The following EIF4E2 variants were observed in gnomAD, a reference collection of about 807,000 sequenced individuals.
EIF4E2 encodes eukaryotic translation initiation factor 4E family member 2, also known as eukaryotic translation initiation factor 4E type 2.
A neutral mutation model predicts 34.2 loss-of-function variants in EIF4E2; 13 were observed. The ratio of observed to expected loss-of-function variants is 0.38; its 90% CI spans 0.25 to 0.60. The LOEUF (loss-of-function observed/expected upper bound fraction) is 0.60, where lower values mean the gene tolerates loss of function less well. Ranked by LOEUF, EIF4E2 falls within the 20% of genes least tolerant of loss-of-function variation. The pLI is 0.62. For synonymous variants in EIF4E2, 100 were observed against 106.6 expected, an observed-to-expected ratio of 0.94 and a Z score of 0.38; for missense variants, 222 against 315.1, an observed-to-expected ratio of 0.70 and a Z score of 2.24.
Position 232,581,346 on chromosome 2 carries a change from C to A in EIF4E2, c.*403C>A. 2.8e-6 allele frequency: 1 copy of A among 354,422 alleles called. No homozygotes were observed. The highest frequency in any genetic ancestry group is 4.0e-5 in the Admixed American group (1 of 24,776). The allele number at this position is 354,422 out of a possible 1,614,324, so 22.0% of individuals were successfully genotyped here. A position where few individuals can be genotyped will look rare whatever the true frequency, so the allele number is the denominator to read the frequency against. On this transcript the variant is annotated 3_prime_UTR_variant, in exon 7 of 7. Coordinates refer to the EIF4E2 transcript ENST00000409098. This position sits in a 1 kb window ranked among gnomAD's most constrained non-coding sequence, Gnocchi z 5.2. The stretch of plus-strand genomic sequence containing the variant: ...CCAGTATTATGAATGTCTGTGCATC[C>A]AGGAAAAGTGTTCTGTTGGAGAGTC...
At chr2:232,583,639 C>T (rs1307910707) in exon 7 of EIF4E2, 1 of 152,136 alleles carries the variant, frequency 6.6e-6, no homozygotes, top group Non-Finnish European at 1.5e-5. Context: ...AAAATATCAG[C>T]AAGAACCAGG....
downstream of EIF4E2, chr2:232,574,003 G>A (rs1308201482): frequency 4.5e-6 from 3 of 666,004 alleles, no homozygotes; most frequent in Middle Eastern, 4.0e-4. Context: ...AAGGAACACT[G>A]GTGCAAATCC....
chr2:232,581,231 A>G lies in EIF4E2; in HGVS notation c.*288A>G. On this transcript the variant is annotated 3_prime_UTR_variant, in exon 7 of 7. Transcript: ENST00000409098. The surrounding 1 kb of genome is among the most constrained non-coding windows in gnomAD (Gnocchi z 5.2). ...TTTCTGTTTGCTGTGTGCTGTCCAGATGCCTCTTGGGCGTCCTGTTGTTCT... is the reference window on the plus strand; with the variant it reads ...TTTCTGTTTGCTGTGTGCTGTCCAGGTGCCTCTTGGGCGTCCTGTTGTTCT... 1 of 522,216 alleles carries G rather than the reference A, an allele frequency of 1.9e-6. No homozygotes were observed. Among genetic ancestry groups the G allele is most frequent in the Non-Finnish European group, 3.6e-6 (1 of 278,216 alleles). The allele number at this position is 522,216 out of a possible 1,614,324, so 32.3% of individuals were successfully genotyped here.
rs1574677718 is a variant in EIF4E2 at position 232,575,398 on chromosome 2, A to T, written c.666-5506A>T. 2.0e-5 allele frequency among the ~76,000 whole-genome samples: 3 copies of T among 152,324 alleles called. No homozygotes were observed. The South Asian group carries it at 6.2e-4, about 32-fold the overall frequency. ...CCACCCATACCTTTTTTGTTTTGATAGTTTGATTTCTTTATTATAAATTCA... is the reference window on the plus strand; with the variant it reads ...CCACCCATACCTTTTTTGTTTTGATTGTTTGATTTCTTTATTATAAATTCA... On this transcript the variant is annotated intron_variant, in intron 6 of 6. Coordinates refer to the EIF4E2 transcript ENST00000409098.
chr2:232,575,977 G>A lies in EIF4E2; in HGVS notation c.666-4927G>A, dbSNP rs532709778. 1.2e-3 allele frequency among the ~76,000 whole-genome samples: 189 copies of A among 152,080 alleles called. 1 individual carries two copies. Among genetic ancestry groups the A allele is most frequent in the Non-Finnish European group, 1.5e-3 (104 of 67,942 alleles). On this transcript the variant is annotated intron_variant, in intron 6 of 6. Transcript: ENST00000409098. ...TCCCAGCACTTTGGGAGGCCAAGGCGGGCAGATCACGAGGTCAAGAGATCG... is the reference window on the plus strand; with the variant it reads ...TCCCAGCACTTTGGGAGGCCAAGGCAGGCAGATCACGAGGTCAAGAGATCG...
chr2:232,550,828 AC>A, intron 1 of EIF4E2, 84 bp downstream of exon 1: 1 of 1,284,770 alleles, frequency 7.8e-7, no homozygotes, highest in Non-Finnish European at 1.1e-6. Context: ...GGCGGCGCAA[AC>A]CCTGCGGCAC....
At chr2:232,574,179 A>C (rs1161710915), downstream of EIF4E2, 4 of 1,343,872 alleles carry the variant, frequency 3.0e-6, no homozygotes, top group South Asian at 3.8e-5. Flanking sequence ...CTGAAGGGGG[A>C]TGTGGGGTTA....
At chr2:232,576,242 T>TA (rs983527101) in intron 6 of EIF4E2, among the ~76,000 whole-genome samples, 1 of 151,880 alleles carries the variant, frequency 6.6e-6, no homozygotes, top group Non-Finnish European at 1.5e-5. Flanking sequence ...AATGTGATTT[T>TA]AAAAGGTTTT....
downstream of EIF4E2, chr2:232,569,901 C>G (rs1693051616): frequency 6.6e-6 from 1 of 152,236 alleles, no homozygotes; most frequent in African/African-American, 2.4e-5. Flanking sequence ...CTGACCGTAG[C>G]ACGTACGGAC....
downstream of EIF4E2, chr2:232,573,835 T>C: frequency 2.8e-6 from 1 of 351,750 alleles, no homozygotes. Flanking sequence ...AACTGGCCTT[T>C]ACCCTCAGTG....
At chr2:232,559,931 C>T (rs554534215) in intron 3 of EIF4E2, among the ~76,000 whole-genome samples, 2 of 151,672 alleles carry the variant, frequency 1.3e-5, no homozygotes, top group East Asian at 3.9e-4. Context: ...GTTAAGACTA[C>T]AGTGAGCCTT....
rs1024541545 is a variant in EIF4E2 at position 232,560,702 on chromosome 2, C to T, written c.270+2684C>T. Among the ~76,000 whole-genome samples the T allele has an allele frequency of 2.0e-5, 3 of 152,186 alleles. No homozygotes were observed. In the South Asian group the frequency reaches 6.2e-4, roughly 32 times the overall value. ...GCCTACAAAATGGGAGAAAATATTGCAAATCATATCTAATACTTGTATCTA... is the reference window on the plus strand; with the variant it reads ...GCCTACAAAATGGGAGAAAATATTGTAAATCATATCTAATACTTGTATCTA... On this transcript the variant is annotated intron_variant, in intron 3 of 6. Transcript: ENST00000258416.
chr2:232,572,434 C>G (rs1262914949), downstream of EIF4E2, among the ~76,000 whole-genome samples: 1 of 152,182 alleles, frequency 6.6e-6, no homozygotes, highest in African/African-American at 2.4e-5. Flanking sequence ...GGCGCGATCT[C>G]TGCTCACTGC....
chr2:232,557,723 A>G (rs1692573998), intron 2 of EIF4E2, 161 bp from the exon 3 acceptor site: 11 of 789,400 alleles, frequency 1.4e-5, no homozygotes, highest in Non-Finnish European at 2.2e-5. Context: ...CCACTGAGGA[A>G]ATGTACTGTG....
At chr2:232,573,935 T>A, downstream of EIF4E2, 1 of 487,144 alleles carries the variant, frequency 2.1e-6, no homozygotes, top group Non-Finnish European at 3.9e-6. Context: ...TTGGAAGTGT[T>A]TTTGGTGACA....
downstream of EIF4E2, among the ~76,000 whole-genome samples, chr2:232,570,367 A>G (rs1379212799): frequency 6.6e-6 from 1 of 152,170 alleles, no homozygotes; most frequent in Middle Eastern, 3.2e-3. Context: ...CGTTTTTAGT[A>G]TTTGTCAAAG....
At chr2:232,580,627 C>T (rs1412062441) in intron 6 of EIF4E2, among the ~76,000 whole-genome samples, 4 of 152,206 alleles carry the variant, frequency 2.6e-5, no homozygotes, top group Non-Finnish European at 5.9e-5. Flanking sequence ...TTTATTTCTA[C>T]GAATGTGCCC....
downstream of EIF4E2, chr2:232,574,021 A>T: frequency 1.5e-6 from 1 of 687,730 alleles, no homozygotes; most frequent in East Asian, 2.8e-5. Context: ...TCCTTGAGGG[A>T]ACAGGGGCAG....
chr2:232,573,957 G>C, downstream of EIF4E2: 1 of 565,092 alleles, frequency 1.8e-6, no homozygotes, highest in Non-Finnish European at 3.4e-6. Context: ...TTGAGCATCA[G>C]CTCTGACCTT....
Sources: allele counts gnomAD v4.1 joint callset (sites outside exome capture counted in the v4.1 genomes callset), GRCh38; gene constraint gnomAD v4.1.1; non-coding constraint Gnocchi (gnomAD v3.1); transcripts MANE v1.5; gene names NCBI Gene and HGNC (gene_info 2026-07-23, HGNC 2026-07-21).